Variants in TRHDE observed in about 807,000 individuals in gnomAD.
TRHDE encodes the protein thyrotropin-releasing hormone-degrading ectoenzyme.
Under a neutral mutation model 125.7 loss-of-function variants are expected in TRHDE, and 72 were observed. That is an observed-to-expected ratio of 0.57 (90% CI 0.47 to 0.70). The LOEUF is 0.70. Among genes scored for constraint, TRHDE ranks in the 30% least tolerant of loss-of-function variants. The pLI is 0.00. For missense variants in TRHDE, 1,110 were observed against 1,327.1 expected (o/e 0.84, Z 2.54); for synonymous variants, 509 against 509.1 (o/e 1.00, Z 0.00).
intron 3 of TRHDE, among the ~76,000 whole-genome samples, chr12:72,406,674 G>C (rs1288308151): frequency 6.6e-6 from 1 of 152,056 alleles, no homozygotes; most frequent in African/African-American, 2.4e-5. Flanking sequence ...TTCACCGCTA[G>C]AGTTTGGATG....
At chr12:72,544,299 T>C (rs978015178) in intron 7 of TRHDE, among the ~76,000 whole-genome samples, 1 of 151,474 alleles carries the variant, frequency 6.6e-6, no homozygotes, top group African/African-American at 2.4e-5. Flanking sequence ...GATGTCATGG[T>C]GCTGAGTGGT....
intron 3 of TRHDE, among the ~76,000 whole-genome samples, chr12:72,444,088 C>T (rs771659736): frequency 6.6e-6 from 1 of 151,824 alleles, no homozygotes; most frequent in African/African-American, 2.4e-5. Flanking sequence ...AACCAAAATG[C>T]CTTGGCCTTG....
At chr12:72,543,864 A>G (rs891216090) in intron 7 of TRHDE, among the ~76,000 whole-genome samples, 1 of 149,330 alleles carries the variant, frequency 6.7e-6, no homozygotes, top group Non-Finnish European at 1.5e-5. Context: ...CATACTTTCT[A>G]TGGTGTGCAA....
intron 5 of TRHDE, among the ~76,000 whole-genome samples, chr12:72,494,433 T>C (rs1007454295): frequency 2.0e-5 from 3 of 152,072 alleles, no homozygotes; most frequent in African/African-American, 7.2e-5. Flanking sequence ...GTTTGATGTA[T>C]CTGACTTTCT....
chr12:72,511,872 A>G (rs1878595164), intron 6 of TRHDE, among the ~76,000 whole-genome samples: 1 of 152,160 alleles, frequency 6.6e-6, no homozygotes, highest in Non-Finnish European at 1.5e-5. Context: ...AAAAGTCTGT[A>G]TTTAATAAAA....
intron 6 of TRHDE, among the ~76,000 whole-genome samples, chr12:72,520,566 G>C (rs574284774): frequency 2.0e-5 from 3 of 152,234 alleles, no homozygotes; most frequent in African/African-American, 7.2e-5. Flanking sequence ...AGATGAACCC[G>C]GTACCTCAGA....
intron 2 of TRHDE, among the ~76,000 whole-genome samples, chr12:72,151,873 A>G (rs1264343007): frequency 6.6e-6 from 1 of 152,206 alleles, no homozygotes; most frequent in Non-Finnish European, 1.5e-5. Flanking sequence ...TGACTTGGCA[A>G]TGCAGGCTCT....
chr12:72,533,723 G>GTTTTTTTTTTTTTTTTTTTTTTTTTT, intron 6 of TRHDE, among the ~76,000 whole-genome samples: 4 of 97,904 alleles, frequency 4.1e-5, no homozygotes, highest in Non-Finnish European at 6.9e-5. Context: ...TTTTCTATTT[G>GTTTTTTTTTTTTTTTTTTTTTTTTTT]TTTTTTTTTT....
intron 5 of TRHDE, among the ~76,000 whole-genome samples, chr12:72,495,222 T>A (rs978371635): frequency 5.9e-5 from 9 of 151,954 alleles, no homozygotes; most frequent in Admixed American, 2.6e-4. Context: ...GATCCAACAG[T>A]CCTTCAGCAA....
In TRHDE at chr12:72,652,497, G is replaced by T. The variant is rs773326647; in HGVS notation, c.2843+8G>T. ...CAGGAATTTATTAAACAGGTAGGCC[G>T]ACTGATTTTCTAAATGTGTTTCTCT... On this transcript the variant is annotated splice_region_variant and intron_variant, in intron 16 of 18. Transcript: ENST00000261180. The T allele has an allele frequency of 6.4e-7, 1 of 1,573,154 alleles. No individual in the cohort carries two copies. Among genetic ancestry groups the T allele is most frequent in the Non-Finnish European group, 8.6e-7 (1 of 1,159,190 alleles).
chr12:72,473,680 C>T (rs2135903130), intron 5 of TRHDE, among the ~76,000 whole-genome samples: 1 of 152,092 alleles, frequency 6.6e-6, no homozygotes, highest in South Asian at 2.1e-4. Context: ...TATACCTATA[C>T]TTTAGGAATG....
chr12:72,117,346 A>G (rs1209651563), intron 2 of TRHDE, among the ~76,000 whole-genome samples: 2 of 151,980 alleles, frequency 1.3e-5, no homozygotes, highest in African/African-American at 4.8e-5. Context: ...CCTTTCTCTG[A>G]TGTATGCTTT....
intron 2 of TRHDE, among the ~76,000 whole-genome samples, chr12:72,317,624 G>A (rs559468333): frequency 1.3e-5 from 2 of 152,180 alleles, no homozygotes; most frequent in Admixed American, 6.6e-5. Flanking sequence ...CTTCTTAAAG[G>A]CCCTACCTCT....
intron 2 of TRHDE, among the ~76,000 whole-genome samples, chr12:72,200,199 C>T (rs1044865797): frequency 6.6e-6 from 1 of 152,122 alleles, no homozygotes; most frequent in Non-Finnish European, 1.5e-5. Flanking sequence ...CAGTCGCAAT[C>T]CATTAAGCTG....
Position 72,378,053 on chromosome 12 carries a change from A to G in TRHDE, c.1247A>G (p.His416Arg). ...IRRGSGDYALHITKRLIEFYE... is the reference protein window; with the variant it reads ...IRRGSGDYALRITKRLIEFYE... ...AGAGGATCCGGGGACTATGCTCTCC[A>G]TATAACAAAGAGATTAATAGAATTT... The change falls in exon 3 of 19, where the codon CAT becomes CGT. Residue 416 changes from histidine (H) to arginine (R), a missense_variant. Physicochemically the swap from His to Arg is conservative, Grantham distance 29 (BLOSUM62 0). Around this residue, in one of 5 missense-constraint regions of TRHDE, gnomAD observed 252 missense variants for 274.8 expected, o/e 0.92. Transcript: ENST00000261180. The G allele has an allele frequency of 3.7e-6, 6 of 1,607,356 alleles. No homozygotes were observed. Among genetic ancestry groups the G allele is most frequent in the Non-Finnish European group, 4.3e-6 (5 of 1,176,106 alleles).
At chr12:72,417,111 C>A (rs549376461) in intron 3 of TRHDE, among the ~76,000 whole-genome samples, 1 of 151,782 alleles carries the variant, frequency 6.6e-6, no homozygotes, top group Non-Finnish European at 1.5e-5. Flanking sequence ...CTGGGTATTT[C>A]ATTTTATTTG....
At chr12:72,274,213 C>T (rs1214676126) in intron 1 of TRHDE, among the ~76,000 whole-genome samples, 1 of 152,176 alleles carries the variant, frequency 6.6e-6, no homozygotes, top group Non-Finnish European at 1.5e-5. Flanking sequence ...TAAGTGGCCT[C>T]GCGGGCGCTG....
intron 6 of TRHDE, among the ~76,000 whole-genome samples, chr12:72,507,012 C>T (rs1878382951): frequency 2.0e-5 from 3 of 151,958 alleles, no homozygotes; most frequent in African/African-American, 7.3e-5. Context: ...ATATGTATAC[C>T]ACCTCACCCT....
At chr12:72,378,426 A>C (rs1250903932) in intron 3 of TRHDE, among the ~76,000 whole-genome samples, 2 of 152,170 alleles carry the variant, frequency 1.3e-5, no homozygotes, top group Non-Finnish European at 2.9e-5. Flanking sequence ...CATCATATTT[A>C]ATCAGTAAAA....
Sources: gnomAD v4.1 joint callset for allele counts (sites outside exome capture counted in the v4.1 genomes callset) on GRCh38, gnomAD v4.1.1 for gene constraint, gnomAD v4.1.1 regional missense constraint, MANE v1.5 for transcripts, NCBI Gene and HGNC (gene_info 2026-07-23, HGNC 2026-07-21) for gene names.